SLC41A2: variants seen among roughly 807,000 people sequenced by gnomAD.
SLC41A2 encodes the protein SLC41A1-like 1.
SLC41A2 carries 32 observed loss-of-function variants against 58.3 expected under a neutral mutation model. The ratio of observed to expected loss-of-function variants is 0.55; its 90% CI spans 0.41 to 0.74. The LOEUF (loss-of-function observed/expected upper bound fraction) is 0.74. SLC41A2 is among the 30% of genes least tolerant of loss of function. The pLI is 0.00. For missense variants in SLC41A2, 514 were observed against 680.6 expected (o/e 0.76, Z 2.72); for synonymous variants, 190 against 235.0 (o/e 0.81, Z 1.75).
chr12:104,937,425 C>T (rs918603921), intron 1 of SLC41A2, among the ~76,000 whole-genome samples: 3 of 152,188 alleles, frequency 2.0e-5, no homozygotes, highest in Admixed American at 6.5e-5. Flanking sequence ...CATTGTGTAA[C>T]AACTGCCTAT....
intron 4 of SLC41A2, among the ~76,000 whole-genome samples, chr12:104,890,614 C>G (rs184200034): frequency 2.0e-5 from 3 of 152,170 alleles, no homozygotes; most frequent in Admixed American, 2.0e-4. Flanking sequence ...AAAATAATGA[C>G]TAACTGAAAA....
chr12:104,839,898 A>T (rs901383365), intron 10 of SLC41A2, among the ~76,000 whole-genome samples: 3 of 152,092 alleles, frequency 2.0e-5, no homozygotes, highest in Non-Finnish European at 4.4e-5. Flanking sequence ...TTCATAGAGG[A>T]TATATATTTA....
At chr12:104,877,378 T>C (rs948211616) in intron 6 of SLC41A2, among the ~76,000 whole-genome samples, 1 of 151,332 alleles carries the variant, frequency 6.6e-6, no homozygotes, top group African/African-American at 2.5e-5. Context: ...AACTATGGGA[T>C]TGATCTGTAA....
intron 2 of SLC41A2, among the ~76,000 whole-genome samples, chr12:104,921,666 G>C (rs1389216134): frequency 1.3e-5 from 2 of 152,136 alleles, no homozygotes; most frequent in Non-Finnish European, 2.9e-5. Context: ...AAAGAAAACA[G>C]TTGAAGATAA....
At chr12:104,943,858 T>C (rs1232734047) in intron 1 of SLC41A2, among the ~76,000 whole-genome samples, 1 of 152,108 alleles carries the variant, frequency 6.6e-6, no homozygotes, top group African/African-American at 2.4e-5. Context: ...GAGAGCTCAC[T>C]AAAATGCTAA....
chr12:104,930,250 C>T (rs2047002487), intron 1 of SLC41A2, among the ~76,000 whole-genome samples: 1 of 152,196 alleles, frequency 6.6e-6, no homozygotes, highest in African/African-American at 2.4e-5. Context: ...CACTTATAGG[C>T]TGGCCAGTAT....
intron 2 of SLC41A2, among the ~76,000 whole-genome samples, 187 bp downstream of exon 2, chr12:104,927,786 A>G (rs1466360701): frequency 6.6e-6 from 1 of 152,196 alleles, no homozygotes; most frequent in African/African-American, 2.4e-5. Flanking sequence ...CAGAATTTCT[A>G]AAGGGGAAAA....
chr12:104,828,388 C>T (rs192154312), intron 10 of SLC41A2, among the ~76,000 whole-genome samples: 62 of 152,358 alleles, frequency 4.1e-4, no homozygotes, highest in Non-Finnish European at 5.9e-4. Context: ...TCTTCTGGTA[C>T]ACCAAGGCAA....
chr12:104,858,123 G>A (rs1267676644), intron 8 of SLC41A2, among the ~76,000 whole-genome samples: 2 of 152,100 alleles, frequency 1.3e-5, no homozygotes, highest in Non-Finnish European at 2.9e-5. Flanking sequence ...CACTTTTCAA[G>A]TTATACTTAT....
chr12:104,848,001 T>C (rs1301125717), intron 8 of SLC41A2, among the ~76,000 whole-genome samples: 2 of 152,164 alleles, frequency 1.3e-5, no homozygotes, highest in African/African-American at 4.8e-5. Context: ...TTAATCTAAA[T>C]TACATTTTTA....
intron 6 of SLC41A2, among the ~76,000 whole-genome samples, chr12:104,870,290 A>AG (rs2043702202): frequency 2.0e-5 from 3 of 152,200 alleles, no homozygotes; most frequent in African/African-American, 7.2e-5. Context: ...AAGATGGAAG[A>AG]GGCAAGGAAC....
chr12:104,878,928 A>G (rs2044207056), intron 6 of SLC41A2, among the ~76,000 whole-genome samples: 1 of 152,316 alleles, frequency 6.6e-6, no homozygotes, highest in East Asian at 1.9e-4. Flanking sequence ...CACTCCCACC[A>G]ACAGTGTAAA....
In SLC41A2 at chr12:104,917,128, G is replaced by GA. The variant is rs1232467053; in HGVS notation, c.556-7367dup. 3.2e-4 allele frequency among the ~76,000 whole-genome samples: 49 copies of GA among 151,568 alleles called. No individual in the cohort carries two copies. In the Middle Eastern group the frequency reaches 0.01, roughly 32 times the overall value. ...ACAATGAACTCAAACAAATTTACAA[G>GA]AAAAAAACAAACAACCCCATCAACA... On this transcript the variant is annotated intron_variant, in intron 2 of 10. Coordinates refer to ENST00000258538, the MANE Select transcript of SLC41A2 (RefSeq NM_001352171.3).
intron 1 of SLC41A2, among the ~76,000 whole-genome samples, chr12:104,955,241 C>A (rs1016537585): frequency 7.9e-5 from 12 of 152,022 alleles, no homozygotes; most frequent in African/African-American, 2.9e-4. Flanking sequence ...GTCTCGAACT[C>A]CCAACCTCAG....
At chr12:104,902,980 C>T (rs938919906) in intron 3 of SLC41A2, among the ~76,000 whole-genome samples, 3 of 152,186 alleles carry the variant, frequency 2.0e-5, no homozygotes, top group Admixed American at 2.0e-4. Flanking sequence ...GTTATCATAA[C>T]TTGGCACTAC....
At chr12:104,854,627 G>T (rs1453775080) in intron 8 of SLC41A2, among the ~76,000 whole-genome samples, 1 of 151,662 alleles carries the variant, frequency 6.6e-6, no homozygotes, top group Non-Finnish European at 1.5e-5. Context: ...GCCTCACATG[G>T]GTTACAGCTG....
chr12:104,853,998 A>C (rs976995240), intron 8 of SLC41A2, among the ~76,000 whole-genome samples: 2 of 144,450 alleles, frequency 1.4e-5, no homozygotes, highest in African/African-American at 5.2e-5. Flanking sequence ...GAGCTCACAC[A>C]ATCCCACCTC....
chr12:104,849,605 A>C lies in SLC41A2; in HGVS notation c.1256-3631T>G, dbSNP rs537768100. ...CCCTTTGGGAAACTGAGGCAGGAGA[A>C]TCGCTTGAGCCTAGGCGTTTGAAAC... is the stretch of plus-strand genomic sequence containing the variant. On this transcript the variant is annotated intron_variant, in intron 8 of 10. Coordinates refer to ENST00000258538, the MANE Select transcript of SLC41A2 (RefSeq NM_001352171.3). Among the ~76,000 whole-genome samples, 121 of 152,306 alleles carry C rather than the reference A, an allele frequency of 7.9e-4. 2 individuals are homozygous for C. The South Asian group carries it at 0.023, about 29-fold the overall frequency.
At chr12:104,864,578 A>G (rs2043344641) in intron 7 of SLC41A2, among the ~76,000 whole-genome samples, 1 of 152,040 alleles carries the variant, frequency 6.6e-6, no homozygotes, top group Non-Finnish European at 1.5e-5. Context: ...CAGGTAGCTC[A>G]TGTTTTTCAG....
Sources: gnomAD v4.1 joint callset for allele counts (sites outside exome capture counted in the v4.1 genomes callset) on GRCh38, gnomAD v4.1.1 for gene constraint, MANE v1.5 for transcripts, NCBI Gene and HGNC (gene_info 2026-07-23, HGNC 2026-07-21) for gene names.